The following FNDC3B variants were observed in gnomAD, a reference collection of about 807,000 sequenced individuals.
FNDC3B encodes fibronectin type III domain-containing protein 3B.
Under a neutral mutation model 151.5 loss-of-function variants are expected in FNDC3B, and 12 were observed. That is an observed-to-expected ratio of 0.08 (90% CI 0.05 to 0.13). The LOEUF (loss-of-function observed/expected upper bound fraction) is 0.13. Ranked by LOEUF, FNDC3B falls within the 10% of genes least tolerant of loss-of-function variation. The probability of loss-of-function intolerance (pLI) is 1.00; values close to 1 mark genes in which losing one functional copy is unlikely to be tolerated. For missense variants in FNDC3B, 1,214 were observed against 1,505.3 expected (o/e 0.81, Z 3.20); for synonymous variants, 528 against 549.0 (o/e 0.96, Z 0.54).
chr3:172,321,947 G>T (rs1311130081), intron 11 of FNDC3B, among the ~76,000 whole-genome samples: 1 of 152,114 alleles, frequency 6.6e-6, no homozygotes, highest in African/African-American at 2.4e-5. Context: ...CCTTCTAGCT[G>T]TTTACAGTGT....
At chr3:172,077,734 A>G (rs2108494811) in intron 1 of FNDC3B, among the ~76,000 whole-genome samples, 1 of 152,280 alleles carries the variant, frequency 6.6e-6, no homozygotes, top group South Asian at 2.1e-4. Flanking sequence ...TCCCCCCCAA[A>G]AAAGAAAACT....
intron 3 of FNDC3B, among the ~76,000 whole-genome samples, chr3:172,185,408 C>T (rs540629174): frequency 2.0e-5 from 3 of 152,184 alleles, no homozygotes; most frequent in South Asian, 4.2e-4. Flanking sequence ...TGTGCATGGC[C>T]GCACCTCTGA....
chr3:172,306,755 G>A (rs1367489043), intron 9 of FNDC3B, among the ~76,000 whole-genome samples: 1 of 152,074 alleles, frequency 6.6e-6, no homozygotes. Context: ...CTTTAATCTT[G>A]GCTTCATGTA....
intron 15 of FNDC3B, chr3:172,335,327 T>C (rs1281083428): frequency 5.6e-6 from 2 of 359,246 alleles, no homozygotes; most frequent in Non-Finnish European, 5.0e-6. Flanking sequence ...GGATGATTTT[T>C]AAGAGTATCT....
intron 20 of FNDC3B, 91 bp downstream of exon 20, chr3:172,346,531 T>A (rs1733622982): frequency 5.8e-6 from 4 of 689,986 alleles, no homozygotes; most frequent in Non-Finnish European, 9.8e-6. Flanking sequence ...AAATCCAAAA[T>A]GCACATATAG....
At chr3:172,051,602 G>T (rs1305568221) in intron 1 of FNDC3B, among the ~76,000 whole-genome samples, 1 of 152,176 alleles carries the variant, frequency 6.6e-6, no homozygotes, top group Non-Finnish European at 1.5e-5. Context: ...ATTGGGTTCA[G>T]TGTGTACTGC....
intron 3 of FNDC3B, among the ~76,000 whole-genome samples, chr3:172,139,256 T>A (rs1721505579): frequency 6.6e-6 from 1 of 152,252 alleles, no homozygotes. Context: ...TCATTCTTTC[T>A]AAGAATTTTA....
At chr3:172,312,107 G>A (rs969812758) in intron 11 of FNDC3B, among the ~76,000 whole-genome samples, 4 of 152,142 alleles carry the variant, frequency 2.6e-5, no homozygotes, top group Admixed American at 6.5e-5. Context: ...GGCAAGTATG[G>A]AAAAATATTT....
chr3:172,344,191 G>A lies in FNDC3B; in HGVS notation c.2183G>A (p.Cys728Tyr), dbSNP rs777849570. The A allele has an allele frequency of 1.4e-5, 23 of 1,614,162 alleles. No individual in the cohort carries two copies. The highest frequency in any genetic ancestry group is 1.9e-5 in the Non-Finnish European group (22 of 1,180,000). Residue 728 changes from cysteine (C) to tyrosine (Y), a missense_variant, in exon 19 of 26, where the codon TGC (cysteine) becomes TAC (tyrosine). Physicochemically the swap from Cys to Tyr is radical, Grantham distance 194. Coordinates refer to ENST00000415807, the MANE Select transcript of FNDC3B (RefSeq NM_022763.4). ...SEVYHGPELE[C>Y]TVGNLLPGTV... ...GTGTACCATGGCCCAGAGCTGGAGTGCACCGTCGGCAACCTGCTTCCTGGA... is the reference window on the plus strand; with the variant it reads ...GTGTACCATGGCCCAGAGCTGGAGTACACCGTCGGCAACCTGCTTCCTGGA...
intron 3 of FNDC3B, among the ~76,000 whole-genome samples, chr3:172,170,254 T>C (rs1723221230): frequency 6.6e-6 from 1 of 152,232 alleles, no homozygotes; most frequent in African/African-American, 2.4e-5. Context: ...TTACTCTCAG[T>C]TGAATATAGA....
At chr3:172,098,786 G>A (rs1055074924) in intron 1 of FNDC3B, among the ~76,000 whole-genome samples, 2 of 152,190 alleles carry the variant, frequency 1.3e-5, no homozygotes, top group African/African-American at 4.8e-5. Context: ...ACCCTGAAGT[G>A]TAGGCAGTTA....
At chr3:172,108,593 G>T (rs562007709) in intron 1 of FNDC3B, among the ~76,000 whole-genome samples, 2 of 152,300 alleles carry the variant, frequency 1.3e-5, no homozygotes, top group East Asian at 3.9e-4. Context: ...TTCACTTTTG[G>T]GTTGCTGTGA....
intron 11 of FNDC3B, among the ~76,000 whole-genome samples, chr3:172,312,897 A>G (rs1466713516): frequency 1.3e-5 from 2 of 152,174 alleles, no homozygotes; most frequent in Non-Finnish European, 2.9e-5. Context: ...AGGATGCCAC[A>G]GCCTCTGCTG....
intron 3 of FNDC3B, among the ~76,000 whole-genome samples, chr3:172,156,968 A>C (rs893441466): frequency 6.6e-6 from 1 of 152,146 alleles, no homozygotes; most frequent in Admixed American, 6.5e-5. Flanking sequence ...GTATAAACCT[A>C]ATATTGTCTA....
At chr3:172,194,625 A>G (rs1318356073) in intron 3 of FNDC3B, among the ~76,000 whole-genome samples, 1 of 152,244 alleles carries the variant, frequency 6.6e-6, no homozygotes, top group Non-Finnish European at 1.5e-5. Context: ...ATAGCTTCAC[A>G]TTAAGAAAAG....
At chr3:172,307,268 G>A (rs940650885) in intron 9 of FNDC3B, 95 bp from the exon 10 acceptor site, 9 of 1,280,398 alleles carry the variant, frequency 7.0e-6, no homozygotes, top group Middle Eastern at 3.8e-4. Context: ...AAGAAATTCT[G>A]TTCATCTACA....
chr3:172,357,245 G>C (rs1056608774), intron 22 of FNDC3B, among the ~76,000 whole-genome samples: 1 of 152,184 alleles, frequency 6.6e-6, no homozygotes, highest in African/African-American at 2.4e-5. Context: ...CATCAGCCTA[G>C]CCAAGAAGAA....
chr3:172,117,420 T>C (rs1248916030), intron 2 of FNDC3B, among the ~76,000 whole-genome samples: 1 of 152,220 alleles, frequency 6.6e-6, no homozygotes. Flanking sequence ...TTCTGCATTT[T>C]AGCGATTTTA....
chr3:172,325,844 G>A (rs1005625661), intron 11 of FNDC3B, among the ~76,000 whole-genome samples: 4 of 152,052 alleles, frequency 2.6e-5, no homozygotes, highest in Admixed American at 6.5e-5. Flanking sequence ...TTATATTAGA[G>A]ACAGAGTCTC....
Sources: gnomAD v4.1 joint callset for allele counts (sites outside exome capture counted in the v4.1 genomes callset) on GRCh38, gnomAD v4.1.1 for gene constraint, MANE v1.5 for transcripts, NCBI Gene and HGNC (gene_info 2026-07-23, HGNC 2026-07-21) for gene names.